Variants in TENM3 observed in about 807,000 individuals in gnomAD.
The protein encoded by TENM3 is teneurin-3.
Under a neutral mutation model 255.1 loss-of-function variants are expected in TENM3, and 63 were observed. That is an observed-to-expected ratio of 0.25 (90% CI 0.20 to 0.30). The LOEUF (loss-of-function observed/expected upper bound fraction) is 0.30, where lower values mean the gene tolerates loss of function less well. TENM3 is among the 10% of genes least tolerant of loss of function. TENM3 has a pLI of 1.00. For missense variants in TENM3, 2,929 were observed against 3,461.1 expected (o/e 0.85, Z 3.86); for synonymous variants, 1,306 against 1,322.3 (o/e 0.99, Z 0.27).
chr4:182,279,860 A>C (rs1760258991), intron 1 of TENM3, among the ~76,000 whole-genome samples: 1 of 152,086 alleles, frequency 6.6e-6, no homozygotes, highest in Admixed American at 6.6e-5. Flanking sequence ...GCTGGGCCCT[A>C]AGGGTTTCAT....
chr4:182,426,047 T>C (rs1230617850), intron 3 of TENM3, among the ~76,000 whole-genome samples: 1 of 133,592 alleles, frequency 7.5e-6, no homozygotes, highest in Non-Finnish European at 1.7e-5. Context: ...AAGTAGAAAT[T>C]GGAGGTATTA....
At chr4:182,432,742 G>A (rs1346078572) in intron 3 of TENM3, among the ~76,000 whole-genome samples, 2 of 152,256 alleles carry the variant, frequency 1.3e-5, no homozygotes, top group Non-Finnish European at 2.9e-5. Context: ...AAGGAGAGGC[G>A]AGGCCACAAA....
At chr4:182,282,757 G>T (rs1000179140) in intron 1 of TENM3, among the ~76,000 whole-genome samples, 1 of 152,026 alleles carries the variant, frequency 6.6e-6, no homozygotes, top group African/African-American at 2.4e-5. Flanking sequence ...GCTGGATGTG[G>T]TGGCACGCGC....
At chr4:181,942,234 T>C in the TENM3 span, among the ~76,000 whole-genome samples, 2 of 150,980 alleles carry the variant, frequency 1.3e-5, no homozygotes, top group Non-Finnish European at 2.9e-5. Flanking sequence ...AGAAATTTCC[T>C]ATTCTTTCTT....
chr4:181,740,082 G>A, the TENM3 span, among the ~76,000 whole-genome samples: 4 of 151,992 alleles, frequency 2.6e-5, no homozygotes, highest in Non-Finnish European at 2.9e-5. Flanking sequence ...ATACCGAAAT[G>A]TTTCTTTTAT....
chr4:182,079,449 G>T, the TENM3 span, among the ~76,000 whole-genome samples: 51 of 152,178 alleles, frequency 3.4e-4, no homozygotes, highest in Non-Finnish European at 5.7e-4. Flanking sequence ...CCAGGAGGCA[G>T]AGCTTGCAGT....
the TENM3 span, among the ~76,000 whole-genome samples, chr4:181,524,331 T>A: frequency 6.6e-6 from 1 of 152,176 alleles, no homozygotes; most frequent in African/African-American, 2.4e-5. Context: ...AACAAAAACT[T>A]CCATACCGGC....
intron 3 of TENM3, among the ~76,000 whole-genome samples, chr4:182,572,090 C>A (rs1188724535): frequency 6.6e-6 from 1 of 152,036 alleles, no homozygotes; most frequent in Non-Finnish European, 1.5e-5. Flanking sequence ...TTAGTAAAAA[C>A]GGGGTTTCAC....
At chr4:181,800,931 A>G in the TENM3 span, among the ~76,000 whole-genome samples, 1 of 152,218 alleles carries the variant, frequency 6.6e-6, no homozygotes, top group Non-Finnish European at 1.5e-5. Flanking sequence ...GGGGCAACTC[A>G]GTGGAACAAC....
chr4:181,448,232 T>C, the TENM3 span, among the ~76,000 whole-genome samples: 1 of 136,030 alleles, frequency 7.4e-6, no homozygotes, highest in African/African-American at 2.8e-5. Context: ...AGTGGCGCGA[T>C]CTCGGCTCAC....
At chr4:182,086,800 G>A in the TENM3 span, among the ~76,000 whole-genome samples, 13 of 152,180 alleles carry the variant, frequency 8.5e-5, no homozygotes, top group African/African-American at 3.1e-4. Flanking sequence ...CTAAATCACA[G>A]ATGATGGCTC....
chr4:182,439,862 G>A (rs1463777697), intron 3 of TENM3, among the ~76,000 whole-genome samples: 2 of 152,056 alleles, frequency 1.3e-5, no homozygotes, highest in Admixed American at 6.6e-5. Context: ...CTTCTTCGTC[G>A]TTTTACACTG....
At chr4:181,773,413 T>C in the TENM3 span, among the ~76,000 whole-genome samples, 3 of 152,196 alleles carry the variant, frequency 2.0e-5, no homozygotes, top group Non-Finnish European at 4.4e-5. Flanking sequence ...TCAGCTACCA[T>C]TTAGGACAGG....
At chr4:181,462,813 T>G in the TENM3 span, among the ~76,000 whole-genome samples, 1 of 152,224 alleles carries the variant, frequency 6.6e-6, no homozygotes, top group Non-Finnish European at 1.5e-5. Context: ...TGACACTGAT[T>G]TTCCATTGCA....
At chr4:182,187,039 C>T (rs1423111822) in intron 1 of TENM3, among the ~76,000 whole-genome samples, 1 of 150,880 alleles carries the variant, frequency 6.6e-6, no homozygotes, top group Middle Eastern at 3.3e-3. Flanking sequence ...TTATTTAATT[C>T]AACAGACTTT....
rs540571754 is a variant in TENM3, at chr4:182,473,444, C to T, written c.511+126515C>T. 1.4e-3 allele frequency among the ~76,000 whole-genome samples: 214 copies of T among 152,250 alleles called. 1 individual carries two copies. Among genetic ancestry groups the T allele is most frequent in the Non-Finnish European group, 1.8e-3 (121 of 68,032 alleles). On this transcript the variant is annotated intron_variant, in intron 3 of 27. Coordinates refer to ENST00000511685, the MANE Select transcript of TENM3 (RefSeq NM_001080477.4). Reference sequence around the variant, plus strand: ...ATCCCAGCACTTTGGGAGGCCAAGGCGGGTGGATCACGAAGTCAGGAGATC... The same window carrying T: ...ATCCCAGCACTTTGGGAGGCCAAGGTGGGTGGATCACGAAGTCAGGAGATC...
chr4:182,207,677 G>C (rs953073924), intron 1 of TENM3, among the ~76,000 whole-genome samples: 1 of 151,972 alleles, frequency 6.6e-6, no homozygotes, highest in Non-Finnish European at 1.5e-5. Context: ...GCAAATTTTG[G>C]GTGTCTGAAA....
At chr4:181,652,303 G>A in the TENM3 span, among the ~76,000 whole-genome samples, 10 of 152,292 alleles carry the variant, frequency 6.6e-5, no homozygotes, top group African/African-American at 2.4e-4. Flanking sequence ...GCAGAAGTCA[G>A]TAAGGGCACA....
intron 1 of TENM3, among the ~76,000 whole-genome samples, chr4:182,301,852 G>A (rs73869919): frequency 0.025 from 3,775 of 152,256 alleles, 80 homozygotes; most frequent in Admixed American, 0.067. Flanking sequence ...TAAAGACAGG[G>A]AATTCGGGGG....
Sources: allele counts gnomAD v4.1 joint callset (sites outside exome capture counted in the v4.1 genomes callset), GRCh38; gene constraint gnomAD v4.1.1; transcripts MANE v1.5; gene names NCBI Gene and HGNC (gene_info 2026-07-23, HGNC 2026-07-21).